Variants in UBAC1 observed in about 807,000 individuals in gnomAD.
UBAC1 encodes UBA domain containing 1, also known as ubiquitin-associated domain-containing protein 1.
Under a neutral mutation model 45.9 loss-of-function variants are expected in UBAC1, and 27 were observed. That is an observed-to-expected ratio of 0.59 (90% CI 0.43 to 0.81). The LOEUF is 0.81. Ranked by LOEUF, UBAC1 falls within the 30% of genes least tolerant of loss-of-function variation. The pLI, the probability that UBAC1 is intolerant of heterozygous loss-of-function variation, is 0.00. For missense variants in UBAC1, 529 were observed against 539.2 expected (o/e 0.98, Z 0.19); for synonymous variants, 227 against 215.5 (o/e 1.05, Z -0.47).
In UBAC1 at chr9:135,938,358, G is replaced by A. The variant is rs147581386; in HGVS notation, c.966C>T (p.Cys322=). 1,172 of 1,612,778 alleles carry A rather than the reference G, an allele frequency of 7.3e-4. 6 individuals are homozygous for A. In the African/African-American group the frequency reaches 0.013, roughly 18 times the overall value. The change falls in exon 9 of 10, where the codon TGC becomes TGT. Residue 322 remains cysteine, a splice_region_variant and synonymous_variant. Transcript: ENST00000371756. ...RVNNNQQNAA[C]EWLLGDRKPS... ...GCTTCCGGTCCCCCAGCAGCCACTCGCACTGCAAAGCCAAGAGCACCAATA... is the reference window on the plus strand; with the variant it reads ...GCTTCCGGTCCCCCAGCAGCCACTCACACTGCAAAGCCAAGAGCACCAATA...
chr9:135,934,616 C>T (rs998300264), intron 9 of UBAC1, among the ~76,000 whole-genome samples: 3 of 152,122 alleles, frequency 2.0e-5, no homozygotes, highest in Admixed American at 6.5e-5. Flanking sequence ...GCCGAGATTG[C>T]GCCACTGCAC....
chr9:135,946,198 G>A (rs187030792), intron 5 of UBAC1, 71 bp downstream of exon 5: 45 of 1,190,080 alleles, frequency 3.8e-5, no homozygotes, highest in Middle Eastern at 2.2e-4. Flanking sequence ...TGGTCAGTGC[G>A]TGGAGCTGCA....
At chr9:135,959,927 G>A (rs1839511725) in intron 1 of UBAC1, among the ~76,000 whole-genome samples, 1 of 152,190 alleles carries the variant, frequency 6.6e-6, no homozygotes, top group Non-Finnish European at 1.5e-5. Flanking sequence ...CACAGCCAGT[G>A]CGTTCCAGAA....
chr9:135,957,181 C>T (rs184286384), intron 1 of UBAC1, among the ~76,000 whole-genome samples: 2 of 152,248 alleles, frequency 1.3e-5, no homozygotes, highest in Admixed American at 6.5e-5. Flanking sequence ...AAGGGATTGA[C>T]GGCTTCAGGG....
chr9:135,952,832 G>A (rs1203131135), intron 3 of UBAC1, among the ~76,000 whole-genome samples: 1 of 152,196 alleles, frequency 6.6e-6, no homozygotes, highest in Non-Finnish European at 1.5e-5. Context: ...TGTCATTTTG[G>A]CACTCAAAAA....
chr9:135,943,818 C>T (rs1285221125), intron 7 of UBAC1, among the ~76,000 whole-genome samples: 1 of 152,182 alleles, frequency 6.6e-6, no homozygotes, highest in African/African-American at 2.4e-5. Context: ...ACGTCCTTTG[C>T]AGGGTCATGG....
In UBAC1 at chr9:135,933,313, T is replaced by G; in HGVS notation, c.*87A>C. The G allele has an allele frequency of 2.8e-6, 3 of 1,065,226 alleles. No homozygotes were observed. Among genetic ancestry groups the G allele is most frequent in the Non-Finnish European group, 4.3e-6 (3 of 690,136 alleles). The allele number at this position is 1,065,226 out of a possible 1,614,324, so 66.0% of individuals were successfully genotyped here. A position where few individuals can be genotyped will look rare whatever the true frequency, so the allele number is the denominator to read the frequency against. On this transcript the variant is annotated 3_prime_UTR_variant, in exon 10 of 10. Transcript: ENST00000371756. ...CAGTCCAGGGCTGAGGCGCTGAAGG[T>G]GAGTTTCCAGGTGAGGTCCACTCTG...
Position 135,961,208 on chromosome 9 carries a change from A to G in UBAC1, c.-46T>C. The G allele has an allele frequency of 6.9e-7, 1 of 1,455,512 alleles. No homozygotes were observed. The highest frequency in any genetic ancestry group is 9.0e-7 in the Non-Finnish European group (1 of 1,111,326). 90.2% of individuals were successfully genotyped at this position (1,455,512 alleles called of 1,614,324 possible). A position where few individuals can be genotyped will look rare whatever the true frequency, so the allele number is the denominator to read the frequency against. ...CTGCGCCCGCCACCCGGGCCCCTGA[A>G]GGTCACCGGGAAGGCGGGCGGGGAG... On this transcript the variant is annotated 5_prime_UTR_variant, in exon 1 of 10. Coordinates refer to ENST00000371756, the MANE Select transcript of UBAC1 (RefSeq NM_016172.3).
At chr9:135,935,677 T>C (rs928354098) in intron 9 of UBAC1, among the ~76,000 whole-genome samples, 8 of 151,582 alleles carry the variant, frequency 5.3e-5, no homozygotes, top group African/African-American at 1.9e-4. Flanking sequence ...AGACAGTATG[T>C]AAAAGAAGAA....
chr9:135,948,083 C>T, intron 3 of UBAC1, 178 bp from the exon 4 acceptor site: 1 of 583,472 alleles, frequency 1.7e-6, no homozygotes, highest in Admixed American at 3.2e-5. Flanking sequence ...CCAGGGACAG[C>T]AGACGTGTCC....
intron 3 of UBAC1, among the ~76,000 whole-genome samples, chr9:135,951,117 A>G (rs532276738): frequency 6.6e-6 from 1 of 152,128 alleles, no homozygotes; most frequent in Admixed American, 6.5e-5. Context: ...CTAACTTTTT[A>G]TATTTTTTGT....
At position 135,946,859 on chromosome 9, in the gene UBAC1, C is replaced by A. The variant is rs549864979; in HGVS notation, c.442-488G>T. On this transcript the variant is annotated intron_variant, in intron 4 of 9. Transcript: ENST00000371756. ...AGATGCCCTCCAGAACAGCTCCTGG[C>A]TACAGGGCCTAGAGGTCAGGCGTCA... Among the ~76,000 whole-genome samples the A allele has an allele frequency of 1.4e-4, 22 of 152,336 alleles. No homozygotes were observed. In the East Asian group the frequency reaches 4.2e-3, roughly 29 times the overall value.
At chr9:135,946,942 A>C (rs981947742) in intron 4 of UBAC1, among the ~76,000 whole-genome samples, 3 of 152,020 alleles carry the variant, frequency 2.0e-5, no homozygotes, top group African/African-American at 7.3e-5. Context: ...CTAGAGAAAT[A>C]CCTCTGAGCC....
At chr9:135,954,796 T>C (rs1450721592) in intron 2 of UBAC1, among the ~76,000 whole-genome samples, 1 of 152,258 alleles carries the variant, frequency 6.6e-6, no homozygotes, top group African/African-American at 2.4e-5. Context: ...TCTCAGCGGA[T>C]ATCTGTTAGC....
In UBAC1 at chr9:135,961,258, G is replaced by C; in HGVS notation, c.-96C>G. ...GGGGGCGGGGCCAGACCGCCCGCGC[G>C]CTCCTTCGCTGGGCCGCCGCCCCGC... On this transcript the variant is annotated 5_prime_UTR_variant, in exon 1 of 10. Transcript: ENST00000371756. The C allele has an allele frequency of 8.8e-7, 1 of 1,134,830 alleles. No homozygotes were observed. Among genetic ancestry groups the C allele is most frequent in the Non-Finnish European group, 1.1e-6 (1 of 909,848 alleles). 70.3% of individuals were successfully genotyped at this position (1,134,830 alleles called of 1,614,324 possible). A position where few individuals can be genotyped will look rare whatever the true frequency, so the allele number is the denominator to read the frequency against.
chr9:135,958,680 A>G (rs1839495823), intron 1 of UBAC1, among the ~76,000 whole-genome samples: 1 of 152,200 alleles, frequency 6.6e-6, no homozygotes, highest in Admixed American at 6.5e-5. Context: ...CACTGCCTAC[A>G]GCAGGATGAC....
chr9:135,954,527 C>G (rs546334392), intron 2 of UBAC1, among the ~76,000 whole-genome samples: 90 of 152,344 alleles, frequency 5.9e-4, no homozygotes, highest in African/African-American at 2.0e-3. Flanking sequence ...CTGCATGGCC[C>G]TAGCTGAGGT....
rs1839311862 is a variant in UBAC1, at chr9:135,945,097, C to A, written c.807G>T (p.Glu269Asp). The A allele has an allele frequency of 5.6e-6, 5 of 898,176 alleles. No individual in the cohort carries two copies. The South Asian group carries it at 9.6e-5, about 17-fold the overall frequency. The allele number at this position is 898,176 out of a possible 1,614,324, so 55.6% of individuals were successfully genotyped here. A position where few individuals can be genotyped will look rare whatever the true frequency, so the allele number is the denominator to read the frequency against. The change falls in exon 7 of 10, where the codon GAG (glutamate) becomes GAT (aspartate). Residue 269 changes from glutamate to aspartate, a missense_variant. By Grantham distance (45) the Glu-to-Asp change is conservative. Transcript: ENST00000371756. ...AGATTTCCGTCAGCTCATCTCTGGC[C>A]TCCTCATCGGTGGCGCTGGCTCCCG... ...AAAGASATDE[E>D]ARDELTEIFK... is the part of the protein sequence containing the mutation.
intron 2 of UBAC1, among the ~76,000 whole-genome samples, chr9:135,954,524 G>A (rs987486938): frequency 5.3e-5 from 8 of 152,136 alleles, no homozygotes; most frequent in Admixed American, 3.9e-4. Flanking sequence ...TATCTGCATG[G>A]CCCTAGCTGA....
Sources: gnomAD v4.1 joint callset for allele counts (sites outside exome capture counted in the v4.1 genomes callset) on GRCh38, gnomAD v4.1.1 for gene constraint, MANE v1.5 for transcripts, NCBI Gene and HGNC (gene_info 2026-07-23, HGNC 2026-07-21) for gene names.